Variants in RPTOR observed in about 807,000 individuals in gnomAD.
RPTOR encodes regulatory associated protein of MTOR complex 1.
RPTOR carries 21 observed loss-of-function variants against 169.9 expected under a neutral mutation model. The ratio of observed to expected loss-of-function variants is 0.12; its 90% CI spans 0.09 to 0.18. The LOEUF (loss-of-function observed/expected upper bound fraction) is 0.18, where lower values mean the gene tolerates loss of function less well. Ranked by LOEUF, RPTOR falls within the 10% of genes least tolerant of loss-of-function variation. The pLI, the probability that RPTOR is intolerant of heterozygous loss-of-function variation, is 1.00. For missense variants in RPTOR, 1,133 were observed against 1,855.9 expected (o/e 0.61, Z 7.16); for synonymous variants, 732 against 753.2 (o/e 0.97, Z 0.46).
chr17:80,640,820 G>A (rs936092934), intron 2 of RPTOR, among the ~76,000 whole-genome samples: 1 of 152,190 alleles, frequency 6.6e-6, no homozygotes, highest in African/African-American at 2.4e-5. Flanking sequence ...TCCTCTGTCC[G>A]TGGTTCACTG....
In RPTOR at chr17:80,740,804, G is replaced by A. The variant is rs115665781; in HGVS notation, c.654+10098G>A. Among the ~76,000 whole-genome samples the A allele has an allele frequency of 2.9e-3, 435 of 152,194 alleles. 2 individuals carry two copies. Among genetic ancestry groups the A allele is most frequent in the African/African-American group, 9.7e-3 (403 of 41,508 alleles). On this transcript the variant is annotated intron_variant, in intron 5 of 33. Transcript: ENST00000306801. ...AAAAATCTGTAAAAACCTAACAGCCGTCCTTTTACTTACTGGTAAAAGACT... is the reference window on the plus strand; with the variant it reads ...AAAAATCTGTAAAAACCTAACAGCCATCCTTTTACTTACTGGTAAAAGACT...
At chr17:80,881,803 C>T (rs890408263) in intron 14 of RPTOR, among the ~76,000 whole-genome samples, 3 of 152,214 alleles carry the variant, frequency 2.0e-5, no homozygotes, top group Non-Finnish European at 4.4e-5. Context: ...GCCTGAGCAA[C>T]AGAGTGAGAC....
intron 1 of RPTOR, among the ~76,000 whole-genome samples, chr17:80,594,347 C>G (rs994230465): frequency 6.6e-6 from 1 of 152,202 alleles, no homozygotes; most frequent in Non-Finnish European, 1.5e-5. Flanking sequence ...CCACCTTGGC[C>G]GCCCAAAGTG....
In RPTOR at chr17:80,609,773, TTGTGTGTG is replaced by T. The variant is rs35843489; in HGVS notation, c.163-15890_163-15883del. On this transcript the variant is annotated intron_variant, in intron 1 of 33. Coordinates refer to ENST00000306801, the MANE Select transcript of RPTOR (RefSeq NM_020761.3). The surrounding 1 kb of genome is among the most constrained non-coding windows in gnomAD (Gnocchi z 4.8). Reference sequence around the variant, plus strand: ...AAAAAAAAAAAGTTTAAGGTGTTGGTTGTGTGTGTGTGTGTGTGTGTGTGTGTGTGTGT... The same window carrying T: ...AAAAAAAAAAAGTTTAAGGTGTTGGTTGTGTGTGTGTGTGTGTGTGTGTGT... Among the ~76,000 whole-genome samples the T allele has an allele frequency of 1.6e-4, 23 of 143,324 alleles. No homozygotes were observed. Among genetic ancestry groups the T allele is most frequent in the Middle Eastern group, 6.9e-3 (2 of 288 alleles). The allele number at this position is 143,324 out of a possible 152,430, so 94.0% of individuals were successfully genotyped here. A position where few individuals can be genotyped will look rare whatever the true frequency, so the allele number is the denominator to read the frequency against.
intron 3 of RPTOR, among the ~76,000 whole-genome samples, chr17:80,701,208 C>A (rs1268593554): frequency 6.6e-6 from 1 of 152,144 alleles, no homozygotes; most frequent in East Asian, 1.9e-4. Context: ...CATCTGGGAA[C>A]AAATGCTGTG....
chr17:80,812,786 C>T (rs72853745), intron 7 of RPTOR, among the ~76,000 whole-genome samples: 15,830 of 152,304 alleles, frequency 0.1, 917 homozygotes, highest in South Asian at 0.15. Context: ...CCTCATCTGC[C>T]GTTACCCGCA....
At chr17:80,776,926 G>A (rs2066897165) in intron 6 of RPTOR, among the ~76,000 whole-genome samples, 1 of 152,202 alleles carries the variant, frequency 6.6e-6, no homozygotes, top group South Asian at 2.1e-4. Context: ...GAACCCAAGT[G>A]CTGAGTTATT....
rs2067403435 is a variant in RPTOR at position 80,823,357 on chromosome 17, A to C, written c.1136+134A>C. On this transcript the variant is annotated intron_variant, in intron 9 of 33. Transcript: ENST00000306801. This position sits in a 1 kb window ranked among gnomAD's most constrained non-coding sequence, Gnocchi z 4.5. ...GACCCCGTGTAGCATTAACAAGTGAAGCTAAATGCAGGGCTCCCAGAGATC... is the reference window on the plus strand; with the variant it reads ...GACCCCGTGTAGCATTAACAAGTGACGCTAAATGCAGGGCTCCCAGAGATC... 4 of 899,602 alleles carry C rather than the reference A, an allele frequency of 4.4e-6. No individual in the cohort carries two copies. Among genetic ancestry groups the C allele is most frequent in the Non-Finnish European group, 5.9e-6 (4 of 677,836 alleles). The allele number at this position is 899,602 out of a possible 1,614,324, so 55.7% of individuals were successfully genotyped here.
intron 33 of RPTOR, 47 bp from the exon 34 acceptor site, chr17:80,964,215 G>C (rs746032227): frequency 1.3e-6 from 2 of 1,521,502 alleles, no homozygotes; most frequent in South Asian, 1.1e-5. Flanking sequence ...CCCCCGCAGT[G>C]TCTGCCCGCA....
chr17:80,590,806 G>T (rs554637398), intron 1 of RPTOR, among the ~76,000 whole-genome samples: 1 of 152,196 alleles, frequency 6.6e-6, no homozygotes, highest in South Asian at 2.1e-4. Flanking sequence ...TTAACACCAA[G>T]GTCATGCTAT....
At chr17:80,838,365 C>CA (rs1822864022) in intron 10 of RPTOR, among the ~76,000 whole-genome samples, 1 of 152,162 alleles carries the variant, frequency 6.6e-6, no homozygotes, top group Admixed American at 6.5e-5. Flanking sequence ...GGGACAGTGA[C>CA]CCACGGGGGG....
chr17:80,928,126 C>G (rs942947848), intron 24 of RPTOR, among the ~76,000 whole-genome samples: 1 of 152,176 alleles, frequency 6.6e-6, no homozygotes, highest in East Asian at 1.9e-4. Context: ...AAAAGAGCGC[C>G]GTGTTGTGGT....
At chr17:80,691,933 A>T (rs1267720944) in intron 3 of RPTOR, among the ~76,000 whole-genome samples, 1 of 152,196 alleles carries the variant, frequency 6.6e-6, no homozygotes, top group Non-Finnish European at 1.5e-5. Context: ...CAGATTGTTC[A>T]TGAACACCAA....
intron 7 of RPTOR, among the ~76,000 whole-genome samples, chr17:80,809,341 G>A (rs1044348800): frequency 6.3e-4 from 96 of 152,060 alleles, no homozygotes; most frequent in African/African-American, 5.1e-4. Context: ...ACAGGCGGGC[G>A]CCACCACGCC....
chr17:80,614,878 C>G (rs555055727), intron 1 of RPTOR, among the ~76,000 whole-genome samples: 1 of 152,316 alleles, frequency 6.6e-6, no homozygotes, highest in South Asian at 2.1e-4. Flanking sequence ...CTGTTGCCTT[C>G]GTCACCAGGA....
Position 80,730,876 on chromosome 17 carries a change from A to G in RPTOR, c.654+170A>G, listed in dbSNP as rs1159373656. 6.6e-6 allele frequency among the ~76,000 whole-genome samples: 1 copy of G among 152,134 alleles called. No individual in the cohort carries two copies. The highest frequency in any genetic ancestry group is 2.4e-5 in the African/African-American group (1 of 41,420). ...ATGCTGTTGAGCTAGGGAGGCACTC[A>G]GCACACTTTATTTTTGAAACATAAT... On this transcript the variant is annotated intron_variant, in intron 5 of 33. Coordinates refer to ENST00000306801, the MANE Select transcript of RPTOR (RefSeq NM_020761.3). This position sits in a 1 kb window ranked among gnomAD's most constrained non-coding sequence, Gnocchi z 4.2.
In RPTOR at chr17:80,730,951, G is replaced by A. The variant is rs1264054459; in HGVS notation, c.654+245G>A. Among the ~76,000 whole-genome samples, 3 of 152,182 alleles carry A rather than the reference G, an allele frequency of 2.0e-5. No homozygotes were observed. Among genetic ancestry groups the A allele is most frequent in the Admixed American group, 6.5e-5 (1 of 15,280 alleles). On this transcript the variant is annotated intron_variant, in intron 5 of 33. Coordinates refer to ENST00000306801, the MANE Select transcript of RPTOR (RefSeq NM_020761.3). The surrounding 1 kb of genome is among the most constrained non-coding windows in gnomAD (Gnocchi z 4.2). ...TGCTGTGGTGCCGTCTCCAGTCACT[G>A]CAATGTCTGTCACCTGAGCCCAAGC... is the stretch of plus-strand genomic sequence containing the variant.
rs116580313 is a variant in RPTOR at position 80,554,921 on chromosome 17, T to A, written c.162+9130T>A. Among the ~76,000 whole-genome samples the A allele has an allele frequency of 9.4e-3, 1,437 of 152,330 alleles. 30 individuals carry two copies. Among genetic ancestry groups the A allele is most frequent in the African/African-American group, 0.032 (1,343 of 41,568 alleles). Reference sequence around the variant, plus strand: ...AATATAGTTATTTGTAGAAATGTTATTTATTTGAATATATAATAAGTTTGA... The same window carrying A: ...AATATAGTTATTTGTAGAAATGTTAATTATTTGAATATATAATAAGTTTGA... On this transcript the variant is annotated intron_variant, in intron 1 of 33. Transcript: ENST00000306801.
At position 80,961,436 on chromosome 17, in the gene RPTOR, G is replaced by A; in HGVS notation, c.3648G>A (p.Lys1216=). 6.4e-7 allele frequency: 1 copy of A among 1,551,752 alleles called. No homozygotes were observed. The highest frequency in any genetic ancestry group is 8.7e-7 in the Non-Finnish European group (1 of 1,147,962). The stretch of plus-strand genomic sequence containing the variant: ...GGGAGCACACAGCCTGGGTGGTGAA[G>A]GCCTCCCTGCAGAAGCGTCCCGACG... ...TYREHTAWVV[K]ASLQKRPDGH... The change falls in exon 31 of 34, where the codon AAG becomes AAA. Residue 1216 remains lysine, a synonymous_variant. Transcript: ENST00000306801.
Sources: gnomAD v4.1 joint callset for allele counts (sites outside exome capture counted in the v4.1 genomes callset) on GRCh38, gnomAD v4.1.1 for gene constraint, Gnocchi (gnomAD v3.1) non-coding constraint, MANE v1.5 for transcripts, NCBI Gene and HGNC (gene_info 2026-07-23, HGNC 2026-07-21) for gene names.